The following IL1RAPL2 variants were observed in gnomAD, a reference collection of about 807,000 sequenced individuals.
IL1RAPL2 encodes the protein interleukin 1 receptor accessory protein like 2, also known as X-linked interleukin-1 receptor accessory protein-like 2.
Under a neutral mutation model 44.1 loss-of-function variants are expected in IL1RAPL2, and 3 were observed. The observed-to-expected ratio is 0.07, with a 90% CI of 0.03 to 0.18. The LOEUF is 0.18. Among genes scored for constraint, IL1RAPL2 ranks in the 10% least tolerant of loss-of-function variants. The probability of loss-of-function intolerance (pLI) is 1.00; values close to 1 mark genes in which losing one functional copy is unlikely to be tolerated. For missense variants in IL1RAPL2, 391 were observed against 496.4 expected (o/e 0.79, Z 2.02); for synonymous variants, 181 against 178.8 (o/e 1.01, Z -0.10).
At chrX:105,300,198 GA>G (rs1406185720) in intron 5 of IL1RAPL2, among the ~76,000 whole-genome samples, 1 of 111,405 alleles carries the variant, frequency 9.0e-6, no homozygotes, top group Non-Finnish European at 1.9e-5. Context: ...ATACCTGGGG[GA>G]AAAATACGTG....
At chrX:105,260,778 G>A (rs2034352569) in intron 4 of IL1RAPL2, among the ~76,000 whole-genome samples, 1 of 112,409 alleles carries the variant, frequency 8.9e-6, no homozygotes, top group Non-Finnish European at 1.9e-5. Flanking sequence ...CTGAAGGCTG[G>A]AATGGCTAAG....
intron 3 of IL1RAPL2, among the ~76,000 whole-genome samples, chrX:105,201,425 AG>A (rs1409837797): frequency 1.1e-4 from 12 of 112,254 alleles, no homozygotes; most frequent in African/African-American, 3.9e-4. Context: ...AACAAAAAAA[AG>A]AAGAAATAAA....
intron 2 of IL1RAPL2, among the ~76,000 whole-genome samples, chrX:104,950,740 G>C (rs1437906197): frequency 4.6e-5 from 5 of 108,259 alleles, no homozygotes; most frequent in Admixed American, 9.8e-5. Flanking sequence ...ACGGAGTCTC[G>C]CTGTCGCCCA....
intron 2 of IL1RAPL2, among the ~76,000 whole-genome samples, chrX:104,876,290 T>A (rs778797431): frequency 8.1e-5 from 9 of 111,719 alleles, no homozygotes; most frequent in African/African-American, 2.9e-4. Flanking sequence ...GGACCATGCT[T>A]TGAGAATTAC....
chrX:104,671,105 C>G (rs915509063), intron 2 of IL1RAPL2, among the ~76,000 whole-genome samples: 3 of 110,661 alleles, frequency 2.7e-5, no homozygotes, highest in Non-Finnish European at 5.7e-5. Context: ...AGGTACTATG[C>G]TAATTTTTAT....
chrX:104,952,015 G>C (rs1925598475), intron 2 of IL1RAPL2, among the ~76,000 whole-genome samples: 1 of 112,158 alleles, frequency 8.9e-6, no homozygotes, highest in Admixed American at 9.5e-5. Flanking sequence ...ACATTACTGA[G>C]TTGTCTGTAT....
chrX:105,649,966 C>T (rs948837685), intron 6 of IL1RAPL2, among the ~76,000 whole-genome samples: 3 of 111,193 alleles, frequency 2.7e-5, no homozygotes, highest in Non-Finnish European at 3.8e-5. Flanking sequence ...GGGCCAAGCA[C>T]GCAGAACACT....
intron 2 of IL1RAPL2, among the ~76,000 whole-genome samples, chrX:104,917,377 A>G (rs1242852303): frequency 1.8e-5 from 2 of 112,152 alleles, no homozygotes; most frequent in Non-Finnish European, 3.8e-5. Context: ...TAATGTTCAA[A>G]AAGAGCAAAC....
chrX:105,300,484 C>T (rs972379655), intron 5 of IL1RAPL2, among the ~76,000 whole-genome samples: 1 of 110,714 alleles, frequency 9.0e-6, no homozygotes, highest in Non-Finnish European at 1.9e-5. Context: ...GAAATTCACC[C>T]CAATGATCCA....
At chrX:105,212,094 C>T (rs1556158707) in intron 3 of IL1RAPL2, among the ~76,000 whole-genome samples, 1 of 111,933 alleles carries the variant, frequency 8.9e-6, no homozygotes, top group African/African-American at 3.3e-5. Flanking sequence ...CCAGTGGCAC[C>T]TGGAACCCAA....
At chrX:105,282,233 G>A (rs950000683) in intron 5 of IL1RAPL2, among the ~76,000 whole-genome samples, 1 of 112,016 alleles carries the variant, frequency 8.9e-6, no homozygotes, top group Non-Finnish European at 1.9e-5. Context: ...AAATGAGTCC[G>A]GAGGACAAGC....
At chrX:104,585,767 A>G (rs1238019680) in intron 1 of IL1RAPL2, among the ~76,000 whole-genome samples, 3 of 110,167 alleles carry the variant, frequency 2.7e-5, no homozygotes, top group Non-Finnish European at 5.7e-5. Flanking sequence ...TGCAAAGGAC[A>G]CGATTTCATT....
chrX:104,846,361 G>C (rs755576774), intron 2 of IL1RAPL2, among the ~76,000 whole-genome samples: 17 of 107,056 alleles, frequency 1.6e-4, no homozygotes, highest in Non-Finnish European at 3.3e-4. Flanking sequence ...CCCACCCCAC[G>C]ACAGGCCCCG....
chrX:104,795,513 A>G (rs982870469), intron 2 of IL1RAPL2, among the ~76,000 whole-genome samples: 2 of 105,946 alleles, frequency 1.9e-5, no homozygotes, highest in Admixed American at 2.1e-4. Context: ...TTTTCCTTTC[A>G]TAATGTATAA....
chrX:105,197,452 G>C (rs2033681155), intron 3 of IL1RAPL2, among the ~76,000 whole-genome samples: 1 of 111,647 alleles, frequency 9.0e-6, no homozygotes, highest in South Asian at 3.7e-4. Flanking sequence ...CTATGTACAA[G>C]TGCTAAGCTT....
intron 6 of IL1RAPL2, among the ~76,000 whole-genome samples, chrX:105,520,655 A>G (rs2147789189): frequency 9.0e-6 from 1 of 111,472 alleles, no homozygotes; most frequent in African/African-American, 3.3e-5. Flanking sequence ...ATAGTGAGTT[A>G]CCAAGTCATG....
At chrX:104,861,858 A>G (rs1054412483) in intron 2 of IL1RAPL2, among the ~76,000 whole-genome samples, 1 of 111,821 alleles carries the variant, frequency 8.9e-6, no homozygotes, top group African/African-American at 3.2e-5. Context: ...TTTTCTAAAT[A>G]TTTTTTATCT....
At chrX:105,412,327 T>C (rs1277688277) in intron 5 of IL1RAPL2, among the ~76,000 whole-genome samples, 7 of 86,499 alleles carry the variant, frequency 8.1e-5, no homozygotes, top group Non-Finnish European at 1.4e-4. Context: ...TATATATATA[T>C]ATATATATAT....
intron 2 of IL1RAPL2, among the ~76,000 whole-genome samples, chrX:105,143,421 C>T (rs1033784422): frequency 5.4e-5 from 6 of 111,671 alleles, no homozygotes; most frequent in African/African-American, 9.8e-5. Context: ...GTTAGAATGG[C>T]GATCATTAAA....
Sources: allele counts gnomAD v4.1 joint callset (sites outside exome capture counted in the v4.1 genomes callset), GRCh38; gene constraint gnomAD v4.1.1; transcripts MANE v1.5; gene names NCBI Gene and HGNC (gene_info 2026-07-23, HGNC 2026-07-21).